Variants in OPTN observed in about 807,000 individuals in gnomAD.
OPTN encodes the protein E3-14.7K-interacting protein.
OPTN carries 54 observed loss-of-function variants against 70.4 expected under a neutral mutation model. The observed-to-expected ratio is 0.77, with a 90% CI of 0.62 to 0.96. OPTN has a LOEUF of 0.96. Ranked by LOEUF, OPTN falls within the 40% of genes least tolerant of loss-of-function variation. OPTN has a pLI of 0.00. For missense variants in OPTN, 624 were observed against 673.2 expected, an observed-to-expected ratio of 0.93 and a Z score of 0.81; for synonymous variants, 256 against 248.5, an observed-to-expected ratio of 1.03 and a Z score of -0.28.
At chr10:13,116,788 G>C (rs1047094872) in intron 6 of OPTN, among the ~76,000 whole-genome samples, 6 of 152,152 alleles carry the variant, frequency 3.9e-5, no homozygotes, top group Non-Finnish European at 7.4e-5. Context: ...AACATCTTTT[G>C]TAACAATGAC....
intron 5 of OPTN, among the ~76,000 whole-genome samples, chr10:13,114,588 A>G (rs1338437420): frequency 1.3e-5 from 2 of 150,894 alleles, no homozygotes; most frequent in African/African-American, 2.4e-5. Flanking sequence ...AGCACTGCCC[A>G]AGATTTAGGA....
rs758689074 is a variant in OPTN, at chr10:13,119,026, G to A, written c.765G>A (p.Lys255=). The change falls in exon 7 of 15, where the codon AAG becomes AAA. Residue 255 remains lysine, a synonymous_variant. Coordinates refer to ENST00000378747, the MANE Select transcript of OPTN (RefSeq NM_001008212.2). ...QKVERLEVAL[K]EAKERVSDFE... Reference sequence around the variant, plus strand: ...TGGAGAGACTTGAAGTTGCACTCAAGGAGGCCAAAGAAAGGTATGAAATAG... The same window carrying A: ...TGGAGAGACTTGAAGTTGCACTCAAAGAGGCCAAAGAAAGGTATGAAATAG... The A allele has an allele frequency of 1.2e-6, 2 of 1,614,110 alleles. No individual in the cohort carries two copies. The highest frequency in any genetic ancestry group is 3.3e-5 in the Admixed American group (2 of 60,024).
chr10:13,109,410 G>A, intron 3 of OPTN, 122 bp downstream of exon 3: 1 of 967,178 alleles, frequency 1.0e-6, no homozygotes, highest in Non-Finnish European at 1.6e-6. Context: ...TAGCTGGTGG[G>A]GAAGCACAGG....
At chr10:13,123,937 G>T (rs1833405198) in intron 8 of OPTN, 58 bp from the exon 9 acceptor site, 1 of 1,282,336 alleles carries the variant, frequency 7.8e-7, no homozygotes. Context: ...TCCTAAAGAG[G>T]TTTGTTTAAT....
rs56147136 is a variant in OPTN, at chr10:13,128,502, C to CTTTTTTTTTTTTTTTTTTTT, written c.1401+612_1401+631dup. ...TTGTGAAGTGCCTTATCAAGCCTGCCTTTTTTTTTTTTTTTTTTTTTTTTT... is the reference window on the plus strand; with the variant it reads ...TTGTGAAGTGCCTTATCAAGCCTGCCTTTTTTTTTTTTTTTTTTTTTTTTTTTTTTTTTTTTTTTTTTTTT... On this transcript the variant is annotated intron_variant, in intron 12 of 14. Transcript: ENST00000378747. Among the ~76,000 whole-genome samples the CTTTTTTTTTTTTTTTTTTTT allele has an allele frequency of 6.6e-4, 22 of 33,486 alleles. 4 individuals carry two copies. Among genetic ancestry groups the CTTTTTTTTTTTTTTTTTTTT allele is most frequent in the South Asian group, 1.1e-3 (1 of 888 alleles). The allele number at this position is 33,486 out of a possible 152,430, so 22.0% of individuals were successfully genotyped here. A position where few individuals can be genotyped will look rare whatever the true frequency, so the allele number is the denominator to read the frequency against.
intron 4 of OPTN, among the ~76,000 whole-genome samples, chr10:13,111,756 G>C (rs1402257189): frequency 6.6e-6 from 1 of 151,788 alleles, no homozygotes; most frequent in Admixed American, 6.6e-5. Context: ...AGGCATAAAG[G>C]TGTTGAGAAA....
In OPTN at chr10:13,137,297, A is replaced by C. The variant is rs572675248; in HGVS notation, c.*431A>C. The C allele has an allele frequency of 2.2e-4, 70 of 322,374 alleles. No individual in the cohort carries two copies. Among genetic ancestry groups the C allele is most frequent in the African/African-American group, 1.4e-3 (67 of 48,082 alleles). The allele number at this position is 322,374 out of a possible 1,614,324, so 20.0% of individuals were successfully genotyped here. On this transcript the variant is annotated 3_prime_UTR_variant, in exon 15 of 15. Transcript: ENST00000378747. ...CTGTCTCGAAAGAAAGAAAGAAAAA[A>C]AGGAAGGAAGGAGAAGGAAGGAAGG...
intron 14 of OPTN, among the ~76,000 whole-genome samples, chr10:13,135,436 C>T (rs1461808257): frequency 1.3e-5 from 2 of 151,484 alleles, no homozygotes; most frequent in Non-Finnish European, 2.9e-5. Context: ...TCTCAAGGCC[C>T]CTCTCAAGTT....
intron 1 of OPTN, 109 bp from the exon 2 acceptor site, chr10:13,108,029 A>C (rs1832905456): frequency 6.6e-6 from 1 of 152,230 alleles, no homozygotes; most frequent in African/African-American, 2.4e-5. Context: ...TGTGTAAAAA[A>C]ATTTCAGACC....
chr10:13,103,769 A>G (rs1239210552), intron 1 of OPTN, among the ~76,000 whole-genome samples: 2 of 114,896 alleles, frequency 1.7e-5, no homozygotes, highest in African/African-American at 3.7e-5. Flanking sequence ...CACACACACA[A>G]TCAGGAATTG....
chr10:13,136,399 T>A (rs756159765), intron 14 of OPTN, among the ~76,000 whole-genome samples: 80 of 144,744 alleles, frequency 5.5e-4, no homozygotes, highest in South Asian at 2.2e-4. Flanking sequence ...TCCCAGCTAC[T>A]CAGGAGGCCA....
rs78312493 is a variant in OPTN at position 13,103,403 on chromosome 10, G to T, written c.-164+3101G>T. The stretch of plus-strand genomic sequence containing the variant: ...AAGACTTGGCCATACCAGGGCAAGG[G>T]CCTAACCTTATACTATGTGCAGTGT... On this transcript the variant is annotated intron_variant, in intron 1 of 14. Transcript: ENST00000378747. 4.2e-3 allele frequency among the ~76,000 whole-genome samples: 639 copies of T among 152,290 alleles called. 9 individuals carry two copies. The highest frequency in any genetic ancestry group is 0.038 in the East Asian group (197 of 5,186).
In OPTN at chr10:13,108,236, C is replaced by G. The variant is rs1013777043; in HGVS notation, c.-65C>G. 1.3e-5 allele frequency: 2 copies of G among 152,184 alleles called. No individual in the cohort carries two copies. Among genetic ancestry groups the G allele is most frequent in the African/African-American group, 4.8e-5 (2 of 41,434 alleles). 9.4% of individuals were successfully genotyped at this position (152,184 alleles called of 1,614,324 possible). On this transcript the variant is annotated 5_prime_UTR_variant, in exon 2 of 15. Transcript: ENST00000378747. ...TCACCTTTGAAACAGCTGCCTGGTT[C>G]AGCATTAATGAAGATTAGTCAGTGA...
At chr10:13,135,845 T>C (rs1833687580) in intron 14 of OPTN, among the ~76,000 whole-genome samples, 1 of 152,166 alleles carries the variant, frequency 6.6e-6, no homozygotes, top group Non-Finnish European at 1.5e-5. Flanking sequence ...TGCATTGTCC[T>C]GTACCTAGAA....
intron 7 of OPTN, among the ~76,000 whole-genome samples, chr10:13,119,981 C>CTTTTTTTTTTTTT (rs35284693): frequency 8.5e-6 from 1 of 117,650 alleles, no homozygotes; most frequent in Admixed American, 9.3e-5. Context: ...TATTTTCTTT[C>CTTTTTTTTTTTTT]TTTTTTTTTT....
intron 1 of OPTN, chr10:13,104,890 C>A (rs554663920): frequency 3.5e-6 from 1 of 286,904 alleles, no homozygotes; most frequent in Non-Finnish European, 6.6e-6. Context: ...GACCGCAGGA[C>A]CGGGAGGCGA....
chr10:13,114,450 A>G (rs1833077201), intron 5 of OPTN, among the ~76,000 whole-genome samples: 1 of 152,062 alleles, frequency 6.6e-6, no homozygotes. Context: ...CCAACAGCAT[A>G]TGAGAAGTTT....
chr10:13,129,152 G>T (rs574458756), intron 12 of OPTN, among the ~76,000 whole-genome samples: 115 of 152,158 alleles, frequency 7.6e-4, no homozygotes, highest in African/African-American at 2.7e-3. Context: ...AATGAGGTAA[G>T]GGTAAATATT....
intron 5 of OPTN, among the ~76,000 whole-genome samples, chr10:13,113,044 C>CA (rs1265002394): frequency 6.6e-6 from 1 of 152,066 alleles, no homozygotes; most frequent in Non-Finnish European, 1.5e-5. Context: ...TGTTTTGAGA[C>CA]AGAGTCTTAC....
Sources: allele counts gnomAD v4.1 joint callset (sites outside exome capture counted in the v4.1 genomes callset), GRCh38; gene constraint gnomAD v4.1.1; transcripts MANE v1.5; gene names NCBI Gene and HGNC (gene_info 2026-07-23, HGNC 2026-07-21).